Variants in PTPN23 observed in about 807,000 individuals in gnomAD.
PTPN23 encodes the protein tyrosine-protein phosphatase non-receptor type 23.
PTPN23 carries 72 observed loss-of-function variants against 156.3 expected under a neutral mutation model. That is an observed-to-expected ratio of 0.46 (90% confidence interval 0.38 to 0.56). PTPN23 has a LOEUF of 0.56. PTPN23 is among the 20% of genes least tolerant of loss of function. PTPN23 has a pLI of 0.00. For missense variants in PTPN23, 1,974 were observed against 2,171.5 expected (o/e 0.91, Z 1.81); for synonymous variants, 957 against 899.6 (o/e 1.06, Z -1.14).
chr3:47,404,417 T>C (rs1705071892), intron 2 of PTPN23, among the ~76,000 whole-genome samples: 1 of 151,272 alleles, frequency 6.6e-6, no homozygotes, highest in Non-Finnish European at 1.5e-5. Context: ...CTTTTTTTTT[T>C]TTTTTTTTAA....
At chr3:47,391,051 C>G (rs766324447) in intron 1 of PTPN23, among the ~76,000 whole-genome samples, 1 of 152,082 alleles carries the variant, frequency 6.6e-6, no homozygotes, top group Non-Finnish European at 1.5e-5. Context: ...TCCAGACCAG[C>G]CTGGGCAATA....
chr3:47,409,784 G>C lies in PTPN23; in HGVS notation c.2079G>C (p.Thr693=). 6.2e-7 allele frequency: 1 copy of C among 1,608,230 alleles called. No individual in the cohort carries two copies. Among genetic ancestry groups the C allele is most frequent in the Non-Finnish European group, 8.5e-7 (1 of 1,179,370 alleles). ...ESKVAALLER[T]QSTCQAREAA... ...AGGTGGCTGCTCTGCTGGAGCGCAC[G>C]CAGTCCACCTGCCAGGCCCGCGAGG... The change falls in exon 19 of 25, where the codon ACG becomes ACC. Residue 693 remains threonine, a synonymous_variant. Transcript: ENST00000265562.
rs773875237 is a variant in PTPN23 at position 47,411,061 on chromosome 3, C to T, written c.3263C>T (p.Pro1088Leu). Residue 1088 changes from proline (P) to leucine (L), a missense_variant, in exon 20 of 25, where the codon CCT becomes CTT. Physicochemically the swap from Pro to Leu is moderately conservative, Grantham distance 98 (BLOSUM62 -3). Coordinates refer to ENST00000265562, the MANE Select transcript of PTPN23 (RefSeq NM_015466.4). The surrounding 1 kb of genome is among the most constrained non-coding windows in gnomAD (Gnocchi z 6.3). ...STPSPHLVPS[P>L]APSPGPGPVP... ...CCTAGTCCCCACCTGGTGCCTTCACCTGCCCCATCTCCAGGGCCTGGTCCG... is the reference window on the plus strand; with the variant it reads ...CCTAGTCCCCACCTGGTGCCTTCACTTGCCCCATCTCCAGGGCCTGGTCCG... The T allele has an allele frequency of 6.3e-7, 1 of 1,585,390 alleles. No homozygotes were observed. Among genetic ancestry groups the T allele is most frequent in the Non-Finnish European group, 8.6e-7 (1 of 1,166,608 alleles).
rs758716402 is a variant in PTPN23, at chr3:47,409,398, G to A, written c.1798-19G>A. ...TCGAGGCCCTGAGTGTCCGTCCCTG[G>A]CCCCCACCCCTTCCTCAGAAGTTGT... On this transcript the variant is annotated intron_variant, in intron 17 of 24. Coordinates refer to ENST00000265562, the MANE Select transcript of PTPN23 (RefSeq NM_015466.4). The A allele has an allele frequency of 6.2e-7, 1 of 1,613,832 alleles. No homozygotes were observed. The highest frequency in any genetic ancestry group is 2.2e-5 in the East Asian group (1 of 44,878).
chr3:47,402,790 C>A (rs977037278), intron 2 of PTPN23, among the ~76,000 whole-genome samples: 1 of 152,182 alleles, frequency 6.6e-6, no homozygotes, highest in Non-Finnish European at 1.5e-5. Context: ...ACTGCAACCT[C>A]CGCCTCCCAG....
Position 47,411,169 on chromosome 3 carries a change from C to T in PTPN23, c.3371C>T (p.Pro1124Leu), listed in dbSNP as rs768061261. The change falls in exon 20 of 25, where the codon CCG becomes CTG. Residue 1124 changes from proline to leucine, a missense_variant. By Grantham distance (98) the Pro-to-Leu change is moderately conservative. Coordinates refer to ENST00000265562, the MANE Select transcript of PTPN23 (RefSeq NM_015466.4). The surrounding 1 kb of genome is among the most constrained non-coding windows in gnomAD (Gnocchi z 6.3). ...AAAADLLSSS[P>L]ESQHGGTQSP... ...GCTGCAGACCTGCTCTCCTCCAGCC[C>T]GGAGAGCCAGCATGGCGGCACTCAG... 1.6e-5 allele frequency: 25 copies of T among 1,602,136 alleles called. No individual in the cohort carries two copies. The highest frequency in any genetic ancestry group is 5.5e-5 in the South Asian group (5 of 90,128).
In PTPN23 at chr3:47,408,397, G is replaced by T; in HGVS notation, c.1237G>T (p.Ala413Ser). 1 of 1,614,146 alleles carries T rather than the reference G, an allele frequency of 6.2e-7. No homozygotes were observed. Among genetic ancestry groups the T allele is most frequent in the Non-Finnish European group, 8.5e-7 (1 of 1,180,018 alleles). Residue 413 changes from alanine (A) to serine (S), a missense_variant, in exon 15 of 25, where the codon GCC (alanine) becomes TCC (serine). Around this residue, in one of 4 missense-constraint regions of PTPN23, gnomAD observed 726 missense variants for 929.5 expected, o/e 0.78. Transcript: ENST00000265562. The stretch of plus-strand genomic sequence containing the variant: ...TCCCGAGACGGTGGACAACCTTGAT[G>T]CCTACAGCCACATCCCACCCCAGCT... ...LDPETVDNLD[A>S]YSHIPPQLME...
At chr3:47,381,919 G>T (rs1034045010) in intron 1 of PTPN23, among the ~76,000 whole-genome samples, 2 of 152,152 alleles carry the variant, frequency 1.3e-5, no homozygotes, top group African/African-American at 4.8e-5. Context: ...AGAGGTTCAG[G>T]TGTGGTGATT....
chr3:47,387,064 G>A (rs1295461254), intron 1 of PTPN23, among the ~76,000 whole-genome samples: 1 of 152,196 alleles, frequency 6.6e-6, no homozygotes, highest in African/African-American at 2.4e-5. Flanking sequence ...CAGAAAAGAT[G>A]TGGGAACGAG....
intron 1 of PTPN23, among the ~76,000 whole-genome samples, chr3:47,385,494 T>C (rs138249440): frequency 1.1e-3 from 173 of 152,146 alleles, no homozygotes; most frequent in African/African-American, 3.8e-3. Context: ...CTGGCCAATA[T>C]GATGAAACCC....
chr3:47,381,035 G>A lies in PTPN23; in HGVS notation c.-62G>A. On this transcript the variant is annotated 5_prime_UTR_variant, in exon 1 of 25. Transcript: ENST00000265562. ...CACGAAGGGGCGGGGCTGGGCTCGT[G>A]GCTGAGCCAGCAGCTGCAGCAGCTA... 6.5e-7 allele frequency: 1 copy of A among 1,548,942 alleles called. No individual in the cohort carries two copies. The highest frequency in any genetic ancestry group is 1.2e-5 in the South Asian group (1 of 83,984).
At chr3:47,384,511 C>T (rs190306854) in intron 1 of PTPN23, among the ~76,000 whole-genome samples, 1 of 149,768 alleles carries the variant, frequency 6.7e-6, no homozygotes, top group African/African-American at 2.5e-5. Flanking sequence ...AAATACCAGC[C>T]TGAGGAGGGG....
At position 47,409,263 on chromosome 3, in the gene PTPN23, C is replaced by A; in HGVS notation, c.1743C>A (p.Ile581=). The change falls in exon 17 of 25, where the codon ATC becomes ATA. Residue 581 remains isoleucine, a synonymous_variant. Coordinates refer to ENST00000265562, the MANE Select transcript of PTPN23 (RefSeq NM_015466.4). Reference sequence around the variant, plus strand: ...TGGAGCAGCAGCTGCGTGAGCTTATCCAGAAAGATGACATCACTGCCTCGC... The same window carrying A: ...TGGAGCAGCAGCTGCGTGAGCTTATACAGAAAGATGACATCACTGCCTCGC... The part of the protein sequence containing the change: ...VSLEQQLREL[I]QKDDITASLV... 6.2e-7 allele frequency: 1 copy of A among 1,614,140 alleles called. No homozygotes were observed. Among genetic ancestry groups the A allele is most frequent in the African/African-American group, 1.3e-5 (1 of 75,062 alleles).
At chr3:47,395,210 T>A (rs1326851219) in intron 1 of PTPN23, among the ~76,000 whole-genome samples, 1 of 152,094 alleles carries the variant, frequency 6.6e-6, no homozygotes, top group African/African-American at 2.4e-5. Context: ...TGTGAGTGAG[T>A]GTGCTCCCAG....
Position 47,409,732 on chromosome 3 carries a change from G to A in PTPN23, c.2027G>A (p.Arg676Lys). Residue 676 changes from arginine (R) to lysine (K), a missense_variant, in exon 19 of 25, where the codon AGG becomes AAG. Arg to Lys is a conservative substitution (Grantham distance 26). Transcript: ENST00000265562. ...EDLMKKSQEG[R>K]DFYADLESKV... The stretch of plus-strand genomic sequence containing the variant: ...CTGATGAAGAAGTCGCAGGAGGGCA[G>A]GGACTTCTACGCAGATCTGGAGAGC... 1 of 1,607,404 alleles carries A rather than the reference G, an allele frequency of 6.2e-7. No individual in the cohort carries two copies. The highest frequency in any genetic ancestry group is 2.2e-5 in the East Asian group (1 of 44,874).
chr3:47,396,027 C>T (rs976441278), intron 1 of PTPN23, 116 bp from the exon 2 acceptor site: 35 of 725,658 alleles, frequency 4.8e-5, no homozygotes, highest in African/African-American at 3.3e-4. Context: ...CCAGGAGACA[C>T]GCTTATGGTT....
At position 47,406,222 on chromosome 3, in the gene PTPN23, C is replaced by T. The variant is rs549878586; in HGVS notation, c.547-103C>T. ...GAGTGGGGGCAGCTGGGGGAGAGGG[C>T]AGTGAAGAGGGATCCCTCAGTCTGC... On this transcript the variant is annotated intron_variant, in intron 6 of 24. Coordinates refer to ENST00000265562, the MANE Select transcript of PTPN23 (RefSeq NM_015466.4). This position sits in a 1 kb window ranked among gnomAD's most constrained non-coding sequence, Gnocchi z 5.8. 7.1e-4 allele frequency: 1,048 copies of T among 1,481,308 alleles called. No individual in the cohort carries two copies. The highest frequency in any genetic ancestry group is 6.9e-4 in the Non-Finnish European group (751 of 1,081,158). The allele number at this position is 1,481,308 out of a possible 1,614,324, so 91.8% of individuals were successfully genotyped here.
Position 47,405,496 on chromosome 3 carries a change from C to A in PTPN23, c.365-253C>A, listed in dbSNP as rs1705100751. 1 of 566,344 alleles carries A rather than the reference C, an allele frequency of 1.8e-6. No homozygotes were observed. 35.1% of individuals were successfully genotyped at this position (566,344 alleles called of 1,614,324 possible). ...GAGCCCCAGAGTTCTGTGCAAACAT[C>A]CCTGAAGCTTCAAGATTGGACCCCT... On this transcript the variant is annotated intron_variant, in intron 4 of 24. Transcript: ENST00000265562. This position sits in a 1 kb window ranked among gnomAD's most constrained non-coding sequence, Gnocchi z 4.7.
At position 47,405,635 on chromosome 3, in the gene PTPN23, TG is replaced by T; in HGVS notation, c.365-112del. On this transcript the variant is annotated intron_variant, in intron 4 of 24. Transcript: ENST00000265562. This position sits in a 1 kb window ranked among gnomAD's most constrained non-coding sequence, Gnocchi z 4.7. ...TTGGGTGTCCTTGGACTCGTTGCCCTGGTTCTCAGAGCCATGTTGTCCTGAT... is the reference window on the plus strand; with the variant it reads ...TTGGGTGTCCTTGGACTCGTTGCCCTGTTCTCAGAGCCATGTTGTCCTGAT... The T allele has an allele frequency of 9.0e-7, 1 of 1,117,224 alleles. No homozygotes were observed. Among genetic ancestry groups the T allele is most frequent in the Non-Finnish European group, 1.3e-6 (1 of 774,036 alleles). 69.2% of individuals were successfully genotyped at this position (1,117,224 alleles called of 1,614,324 possible).
Sources: gnomAD v4.1 joint callset for allele counts (sites outside exome capture counted in the v4.1 genomes callset) on GRCh38, gnomAD v4.1.1 for gene constraint, gnomAD v4.1.1 regional missense constraint, Gnocchi (gnomAD v3.1) non-coding constraint, MANE v1.5 for transcripts, NCBI Gene and HGNC (gene_info 2026-07-23, HGNC 2026-07-21) for gene names.